Variants in MCRS1 observed in about 807,000 individuals in gnomAD.
MCRS1 encodes the protein 58 kDa microspherule protein.
Under a neutral mutation model 62.9 loss-of-function variants are expected in MCRS1, and 22 were observed. The observed-to-expected ratio is 0.35, with a 90% CI of 0.25 to 0.50. The LOEUF is 0.50. Ranked by LOEUF, MCRS1 falls within the 20% of genes least tolerant of loss-of-function variation. The pLI, the probability that MCRS1 is intolerant of heterozygous loss-of-function variation, is 0.98. For missense variants in MCRS1, 456 were observed against 601.1 expected (o/e 0.76, Z 2.52); for synonymous variants, 244 against 233.5 (o/e 1.04, Z -0.41).
chr12:49,566,241 G>A (rs767490074), intron 2 of MCRS1, 26 bp from the exon 3 acceptor site: 18 of 1,603,986 alleles, frequency 1.1e-5, no homozygotes, highest in South Asian at 4.4e-5. Flanking sequence ...TGGTGGATTC[G>A]GGCCTCCTAA....
chr12:49,562,917 TGAAG>T, intron 8 of MCRS1, 80 bp downstream of exon 8: 1 of 1,474,130 alleles, frequency 6.8e-7, no homozygotes, highest in Non-Finnish European at 9.1e-7. Flanking sequence ...ACAGGGCACT[TGAAG>T]GCAGCTGTGT....
chr12:49,564,625 G>A (rs369275662), intron 5 of MCRS1, 35 bp from the exon 6 acceptor site: 1 of 1,609,118 alleles, frequency 6.2e-7, no homozygotes, highest in Non-Finnish European at 8.5e-7. Context: ...TCCAGCCTTG[G>A]AGCTGGGAAC....
At position 49,564,529 on chromosome 12, in the gene MCRS1, TC is replaced by T; in HGVS notation, c.508del (p.Glu170ArgfsTer23). The T allele has an allele frequency of 6.2e-7, 1 of 1,613,280 alleles. No homozygotes were observed. Among genetic ancestry groups the T allele is most frequent in the Non-Finnish European group, 8.5e-7 (1 of 1,179,592 alleles). On this transcript the variant is annotated frameshift_variant, in exon 6 of 15. Coordinates refer to ENST00000343810, the MANE Select transcript of MCRS1 (RefSeq NM_006337.5). LOFTEE classifies it high-confidence loss of function. Reference protein sequence around the residue: ...VKFSCRFTLREVQERWYALLY... With the variant: ...VKFSCRFTLRXVQERWYALLY... Reference sequence around the variant, plus strand: ...CAGGGCGTACCAACGCTCCTGGACCTCCCGAAGGGTGAAGCGGCAGCTGAAT... The same window carrying T: ...CAGGGCGTACCAACGCTCCTGGACCTCCGAAGGGTGAAGCGGCAGCTGAAT...
At position 49,558,784 on chromosome 12, in the gene MCRS1, T is replaced by G. The variant is rs1938590536; in HGVS notation, c.1303-55A>C. On this transcript the variant is annotated intron_variant, in intron 14 of 14. Coordinates refer to ENST00000343810, the MANE Select transcript of MCRS1 (RefSeq NM_006337.5). The stretch of plus-strand genomic sequence containing the variant: ...AGAGGTGGCACCAGGACCAAGTTGG[T>G]GTACTGGCTCACCACGCCTAGGTCT... 1.4e-5 allele frequency: 22 copies of G among 1,613,352 alleles called. No homozygotes were observed. The South Asian group carries it at 1.8e-4, about 13-fold the overall frequency.
At position 49,559,779 on chromosome 12, in the gene MCRS1, T is replaced by G; in HGVS notation, c.953A>C (p.Gln318Pro). Residue 318 changes from glutamine (Q) to proline (P), a missense_variant, in exon 11 of 15, where the codon CAG (glutamine) becomes CCG (proline). By Grantham distance (76) the Gln-to-Pro change is moderately conservative (BLOSUM62 -1). This residue lies in a region of MCRS1 where 393 missense variants were observed against 523.5 expected (regional missense o/e 0.75). Transcript: ENST00000343810. This position sits in a 1 kb window ranked among gnomAD's most constrained non-coding sequence, Gnocchi z 5.2. ...ADRRQKREIRQLEQELHKWQV... is the reference protein window; with the variant it reads ...ADRRQKREIRPLEQELHKWQV... The stretch of plus-strand genomic sequence containing the variant: ...CCACTTATGCAGTTCCTGTTCCAGC[T>G]GCCGAATCTCTCGCTTCTGGCGCCG... 6.2e-7 allele frequency: 1 copy of G among 1,614,218 alleles called. No homozygotes were observed. Among genetic ancestry groups the G allele is most frequent in the Non-Finnish European group, 8.5e-7 (1 of 1,180,030 alleles).
At position 49,563,003 on chromosome 12, in the gene MCRS1, G is replaced by C; in HGVS notation, c.803C>G (p.Thr268Arg). The change falls in exon 8 of 15, where the codon ACA (threonine) becomes AGA (arginine). Residue 268 changes from threonine (T) to arginine (R), a missense_variant and splice_region_variant. By Grantham distance (71) the Thr-to-Arg change is moderately conservative. Transcript: ENST00000343810. The stretch of plus-strand genomic sequence containing the variant: ...TCTGCCAGCTCCTGGGGCGTTACCT[G>C]TCTGGTCCTCCAGCAGGTAATACTG... The part of the protein sequence containing the change: ...MKQYYLLEDQ[T>R]VQPLPKGDQV... 6.2e-7 allele frequency: 1 copy of C among 1,601,012 alleles called. No individual in the cohort carries two copies. Among genetic ancestry groups the C allele is most frequent in the East Asian group, 2.2e-5 (1 of 44,726 alleles).
rs1191643055 is a variant in MCRS1, at chr12:49,564,829, C to A, written c.355G>T (p.Val119Leu). Residue 119 changes from valine to leucine, a missense_variant, in exon 5 of 15, where the codon GTG becomes TTG. By Grantham distance (32) the Val-to-Leu change is conservative. This residue lies in a region of MCRS1 where 393 missense variants were observed against 523.5 expected (regional missense o/e 0.75). Transcript: ENST00000343810. ...PAPAPGLTKR[V>L]KKSKQPLQVT... ...TGAAGTGGCTGTTTACTCTTCTTCA[C>A]ACGCTTGGTGAGTCCAGGGGCTGGG... 6 of 1,614,006 alleles carry A rather than the reference C, an allele frequency of 3.7e-6. No homozygotes were observed. The Admixed American group carries it at 1.0e-4, about 27-fold the overall frequency.
At position 49,563,545 on chromosome 12, in the gene MCRS1, A is replaced by G. The variant is rs557790963; in HGVS notation, c.559T>C (p.Leu187=). The part of the protein sequence containing the change: ...ALLYDPVISK[L]ACQAMRQLHP... ...AGCTGCCTCATGGCCTGACAGGCCA[A>G]CCTGGACACGGAAAGAGACAGAGGG... is the stretch of plus-strand genomic sequence containing the variant. The change falls in exon 7 of 15, where the codon TTG becomes CTG. Residue 187 remains leucine, a splice_region_variant and synonymous_variant. Transcript: ENST00000343810. 6.2e-7 allele frequency: 1 copy of G among 1,606,596 alleles called. No homozygotes were observed. The highest frequency in any genetic ancestry group is 1.3e-5 in the African/African-American group (1 of 74,998).
At position 49,559,990 on chromosome 12, in the gene MCRS1, A is replaced by C; in HGVS notation, c.882-23T>G. Reference sequence around the variant, plus strand: ...TCCCTGAGGGGCAAGAAGAGAAGGAAGATTTAGGTCCACCTTCAGCTTGCC... The same window carrying C: ...TCCCTGAGGGGCAAGAAGAGAAGGACGATTTAGGTCCACCTTCAGCTTGCC... On this transcript the variant is annotated intron_variant, in intron 9 of 14. Coordinates refer to ENST00000343810, the MANE Select transcript of MCRS1 (RefSeq NM_006337.5). The surrounding 1 kb of genome is among the most constrained non-coding windows in gnomAD (Gnocchi z 5.2). The C allele has an allele frequency of 6.2e-7, 1 of 1,614,126 alleles. No individual in the cohort carries two copies. The highest frequency in any genetic ancestry group is 1.1e-5 in the South Asian group (1 of 91,068).
At position 49,558,634 on chromosome 12, in the gene MCRS1, C is replaced by T. The variant is rs1938576855; in HGVS notation, c.*9G>A. The T allele has an allele frequency of 2.5e-6, 4 of 1,611,826 alleles. No individual in the cohort carries two copies. In the African/African-American group the frequency reaches 4.0e-5, roughly 16 times the overall value. The stretch of plus-strand genomic sequence containing the variant: ...GCCGGAGAGGGCCCACGAGTCCTGC[C>T]ACCACTCCTCACTGTGGTGTGATCT... On this transcript the variant is annotated 3_prime_UTR_variant, in exon 15 of 15. Coordinates refer to ENST00000343810, the MANE Select transcript of MCRS1 (RefSeq NM_006337.5).
intron 8 of MCRS1, among the ~76,000 whole-genome samples, chr12:49,562,764 G>T (rs936872452): frequency 6.6e-6 from 1 of 152,180 alleles, no homozygotes; most frequent in African/African-American, 2.4e-5. Context: ...CCGCTATTTG[G>T]ACCTTTTGCC....
At chr12:49,563,916 G>C (rs1413704818) in intron 6 of MCRS1, among the ~76,000 whole-genome samples, 1 of 152,200 alleles carries the variant, frequency 6.6e-6, no homozygotes, top group Non-Finnish European at 1.5e-5. Flanking sequence ...TGGTATATCA[G>C]AACTGCAGCT....
chr12:49,567,034 GTA>G (rs1939100346), intron 1 of MCRS1, among the ~76,000 whole-genome samples, 193 bp from the exon 2 acceptor site: 2 of 152,216 alleles, frequency 1.3e-5, no homozygotes, highest in Admixed American at 6.5e-5. Context: ...ACCTTTCAGA[GTA>G]TGATAACAGC....
intron 1 of MCRS1, chr12:49,567,677 T>C (rs1939132752): frequency 6.6e-6 from 1 of 151,956 alleles, no homozygotes; most frequent in Non-Finnish European, 1.5e-5. Context: ...CTCCCAAGAG[T>C]GCACACCCAA....
intron 8 of MCRS1, among the ~76,000 whole-genome samples, chr12:49,562,278 C>T (rs552482390): frequency 2.0e-5 from 3 of 152,312 alleles, no homozygotes; most frequent in Non-Finnish European, 2.9e-5. Context: ...AAAGTGAGAA[C>T]GTGCTTGTAC....
chr12:49,566,518 T>C (rs1240804888), intron 2 of MCRS1: 7 of 1,518,310 alleles, frequency 4.6e-6, no homozygotes, highest in South Asian at 1.2e-5. Context: ...CCCTCTGCCA[T>C]CAAAATGCAG....
chr12:49,563,503 C>T lies in MCRS1; in HGVS notation c.601G>A (p.Ala201Thr). Residue 201 changes from alanine to threonine, a missense_variant, in exon 7 of 15, where the codon GCA becomes ACA. Around this residue, in one of 3 missense-constraint regions of MCRS1, gnomAD observed 393 missense variants for 523.5 expected, o/e 0.75. Transcript: ENST00000343810. Reference sequence around the variant, plus strand: ...AACAGGGCCTTGCTCTGGATGGCTGCAATAGCCTCTGGGTGCAGCTGCCTC... The same window carrying T: ...AACAGGGCCTTGCTCTGGATGGCTGTAATAGCCTCTGGGTGCAGCTGCCTC... ...AMRQLHPEAI[A>T]AIQSKALFSK... 6.2e-7 allele frequency: 1 copy of T among 1,612,346 alleles called. No homozygotes were observed. The highest frequency in any genetic ancestry group is 1.1e-5 in the South Asian group (1 of 90,696).
In MCRS1 at chr12:49,558,358, G is replaced by C. The variant is rs533525948; in HGVS notation, c.*285C>G. On this transcript the variant is annotated 3_prime_UTR_variant, in exon 15 of 15. Transcript: ENST00000343810. ...AAAAACAATAAAAGAAGAGTCTGAG[G>C]CTAATCAGCTGGAGACACAGGAGTG... 2.2e-6 allele frequency: 1 copy of C among 452,704 alleles called. No individual in the cohort carries two copies. Among genetic ancestry groups the C allele is most frequent in the South Asian group, 6.4e-5 (1 of 15,616 alleles). The allele number at this position is 452,704 out of a possible 1,614,324, so 28.0% of individuals were successfully genotyped here. A position where few individuals can be genotyped will look rare whatever the true frequency, so the allele number is the denominator to read the frequency against.
At chr12:49,562,348 CTG>C (rs1938812835) in intron 8 of MCRS1, among the ~76,000 whole-genome samples, 1 of 152,374 alleles carries the variant, frequency 6.6e-6, no homozygotes, top group Admixed American at 6.5e-5. Flanking sequence ...TTTAATCACA[CTG>C]TTTTCTTACC....
Sources: allele counts gnomAD v4.1 joint callset (sites outside exome capture counted in the v4.1 genomes callset), GRCh38; gene constraint gnomAD v4.1.1; regional missense constraint gnomAD v4.1.1; non-coding constraint Gnocchi (gnomAD v3.1); transcripts MANE v1.5; gene names NCBI Gene and HGNC (gene_info 2026-07-23, HGNC 2026-07-21).